BCL11A: variants seen among roughly 807,000 people sequenced by gnomAD.
BCL11A encodes BCL11 transcription factor A.
BCL11A carries 2 observed loss-of-function variants against 55.9 expected under a neutral mutation model. The ratio of observed to expected loss-of-function variants is 0.04; its 90% CI spans 0.01 to 0.11. The LOEUF (loss-of-function observed/expected upper bound fraction) is 0.11, where lower values mean the gene tolerates loss of function less well. BCL11A is among the 10% of genes least tolerant of loss of function. The pLI, the probability that BCL11A is intolerant of heterozygous loss-of-function variation, is 1.00. For missense variants in BCL11A, 817 were observed against 1,137.1 expected, an observed-to-expected ratio of 0.72 and a Z score of 4.05; for synonymous variants, 465 against 473.4, an observed-to-expected ratio of 0.98 and a Z score of 0.23.
Position 60,546,440 on chromosome 2 carries a change from G to T in BCL11A, c.56-140C>A. On this transcript the variant is annotated intron_variant, in intron 1 of 3. Transcript: ENST00000642384. The surrounding 1 kb of genome is among the most constrained non-coding windows in gnomAD (Gnocchi z 4.1). The stretch of plus-strand genomic sequence containing the variant: ...TCTCTATATAATACCCAGAAAATGT[G>T]AGCATACAAAAAGTACAAGGATGTG... The T allele has an allele frequency of 1.4e-6, 1 of 738,398 alleles. No individual in the cohort carries two copies. Among genetic ancestry groups the T allele is most frequent in the Non-Finnish European group, 2.2e-6 (1 of 457,688 alleles). 45.7% of individuals were successfully genotyped at this position (738,398 alleles called of 1,614,324 possible). A position where few individuals can be genotyped will look rare whatever the true frequency, so the allele number is the denominator to read the frequency against.
In BCL11A at chr2:60,553,319, G is replaced by A. The variant is rs746260356; in HGVS notation, c.-49C>T. ...GCGGCGGCGGCGGCGGCGGCGGGCG[G>A]ACGACGGCTCGGTTCACATCGGGAG... On this transcript the variant is annotated 5_prime_UTR_variant, in exon 1 of 4. Coordinates refer to ENST00000642384, the MANE Select transcript of BCL11A (RefSeq NM_022893.4). The A allele has an allele frequency of 1.3e-6, 2 of 1,501,252 alleles. No individual in the cohort carries two copies. Among genetic ancestry groups the A allele is most frequent in the South Asian group, 2.5e-5 (2 of 80,636 alleles). The allele number at this position is 1,501,252 out of a possible 1,614,324, so 93.0% of individuals were successfully genotyped here.
At chr2:60,469,218 G>C (rs913737582) in intron 2 of BCL11A, among the ~76,000 whole-genome samples, 7 of 152,180 alleles carry the variant, frequency 4.6e-5, no homozygotes, top group Non-Finnish European at 1.0e-4. Context: ...CTGCAAGGCT[G>C]GTTTACATGC....
chr2:60,470,273 C>G (rs1572969511), intron 2 of BCL11A, among the ~76,000 whole-genome samples: 1 of 152,128 alleles, frequency 6.6e-6, no homozygotes, highest in African/African-American at 2.4e-5. Flanking sequence ...CAAAGTGAAC[C>G]AACACAAGCA....
At chr2:60,535,022 A>G (rs1669608260) in intron 2 of BCL11A, 2 of 152,226 alleles carry the variant, frequency 1.3e-5, no homozygotes, top group Non-Finnish European at 2.9e-5. Context: ...CAGCAGGCTG[A>G]CAGGCCAGCC....
intron 2 of BCL11A, among the ~76,000 whole-genome samples, chr2:60,477,983 G>A (rs1677721478): frequency 6.8e-6 from 1 of 146,730 alleles, no homozygotes; most frequent in Non-Finnish European, 1.5e-5. Context: ...TTTTAATTGA[G>A]ACATGGTCTC....
intron 1 of BCL11A, among the ~76,000 whole-genome samples, chr2:60,551,503 A>G (rs956469070): frequency 3.9e-5 from 6 of 152,208 alleles, no homozygotes; most frequent in Non-Finnish European, 8.8e-5. Flanking sequence ...GGGGGTGGGC[A>G]GGGAAAGCAC....
At chr2:60,493,034 C>T (rs1678735432) in intron 2 of BCL11A, among the ~76,000 whole-genome samples, 2 of 152,140 alleles carry the variant, frequency 1.3e-5, no homozygotes. Context: ...CCCCCACCTA[C>T]CACCACAGTG....
At chr2:60,482,302 T>C (rs1275206397) in intron 2 of BCL11A, among the ~76,000 whole-genome samples, 2 of 150,614 alleles carry the variant, frequency 1.3e-5, no homozygotes, top group Non-Finnish European at 3.0e-5. Context: ...GGGTGTGCAG[T>C]GGAGGAGGTG....
intron 2 of BCL11A, among the ~76,000 whole-genome samples, chr2:60,503,447 C>CTGCAACAA (rs1467522987): frequency 1.3e-5 from 2 of 152,220 alleles, no homozygotes; most frequent in African/African-American, 4.8e-5. Flanking sequence ...CCTCTGAGCA[C>CTGCAACAA]TGCAACAATT....
intron 2 of BCL11A, among the ~76,000 whole-genome samples, chr2:60,477,404 C>T (rs966748763): frequency 1.4e-4 from 22 of 152,242 alleles, no homozygotes; most frequent in South Asian, 4.1e-4. Flanking sequence ...ATTATCATTT[C>T]GATCGGTCTT....
chr2:60,459,223 T>G lies in BCL11A; in HGVS notation c.*1181A>C, dbSNP rs1676098403. 9.8e-7 allele frequency: 1 copy of G among 1,020,272 alleles called. No homozygotes were observed. The allele number at this position is 1,020,272 out of a possible 1,614,324, so 63.2% of individuals were successfully genotyped here. A position where few individuals can be genotyped will look rare whatever the true frequency, so the allele number is the denominator to read the frequency against. Reference sequence around the variant, plus strand: ...CAAGGTCTTAAAGTTTATCATTTGATTGTCCACTTGACAACCAAGTAGATC... The same window carrying G: ...CAAGGTCTTAAAGTTTATCATTTGAGTGTCCACTTGACAACCAAGTAGATC... On this transcript the variant is annotated 3_prime_UTR_variant, in exon 4 of 4. Coordinates refer to ENST00000642384, the MANE Select transcript of BCL11A (RefSeq NM_022893.4).
At chr2:60,545,819 C>T in intron 2 of BCL11A, 152 bp downstream of exon 2, 1 of 685,540 alleles carries the variant, frequency 1.5e-6, no homozygotes, top group South Asian at 1.8e-5. Flanking sequence ...ACGTAAGCAA[C>T]AGAAATGATT....
At chr2:60,543,947 C>G (rs1670039833) in intron 2 of BCL11A, 1 of 152,152 alleles carries the variant, frequency 6.6e-6, no homozygotes, top group African/African-American at 2.4e-5. Context: ...AAAATAATAA[C>G]AGAACCTTTA....
At chr2:60,552,411 C>T (rs2104795951) in intron 1 of BCL11A, among the ~76,000 whole-genome samples, 1 of 152,270 alleles carries the variant, frequency 6.6e-6, no homozygotes, top group Non-Finnish European at 1.5e-5. Flanking sequence ...CCGGCCCTAG[C>T]TCCTGCCCTT....
intron 2 of BCL11A, among the ~76,000 whole-genome samples, chr2:60,495,296 T>C (rs544653343): frequency 6.6e-6 from 1 of 150,850 alleles, no homozygotes; most frequent in East Asian, 2.0e-4. Context: ...TGCACTAGAC[T>C]AGCTTCAAAG....
intron 2 of BCL11A, among the ~76,000 whole-genome samples, chr2:60,514,869 A>G (rs1223665032): frequency 3.0e-5 from 4 of 133,656 alleles, no homozygotes; most frequent in Non-Finnish European, 4.9e-5. Flanking sequence ...TAAAACAGAA[A>G]AAAGAAAAAA....
At chr2:60,538,534 C>T (rs1323090957) in intron 2 of BCL11A, 1 of 152,192 alleles carries the variant, frequency 6.6e-6, no homozygotes, top group Non-Finnish European at 1.5e-5. Context: ...ACAACTGCTT[C>T]TGACAGCTGT....
downstream of BCL11A, among the ~76,000 whole-genome samples, chr2:60,457,000 A>G (rs1675970050): frequency 6.6e-6 from 1 of 152,208 alleles, no homozygotes; most frequent in African/African-American, 2.4e-5. Flanking sequence ...AAGCCTTAAA[A>G]CTATGTCCAG....
In BCL11A at chr2:60,460,287, A is replaced by AAATCACAT; in HGVS notation, c.*109_*116dup. 6.9e-7 allele frequency: 1 copy of AAATCACAT among 1,456,022 alleles called. No individual in the cohort carries two copies. The highest frequency in any genetic ancestry group is 9.1e-7 in the Non-Finnish European group (1 of 1,100,748). 90.2% of individuals were successfully genotyped at this position (1,456,022 alleles called of 1,614,324 possible). A position where few individuals can be genotyped will look rare whatever the true frequency, so the allele number is the denominator to read the frequency against. Reference sequence around the variant, plus strand: ...CTTCTGTTTGTTTGTTTGTTTGTTTAAATCACATGGGACTAGAAAAAAATC... The same window carrying AAATCACAT: ...CTTCTGTTTGTTTGTTTGTTTGTTTAAATCACATAATCACATGGGACTAGAAAAAAATC... On this transcript the variant is annotated 3_prime_UTR_variant, in exon 4 of 4. Coordinates refer to ENST00000642384, the MANE Select transcript of BCL11A (RefSeq NM_022893.4).
Sources: allele counts gnomAD v4.1 joint callset (sites outside exome capture counted in the v4.1 genomes callset), GRCh38; gene constraint gnomAD v4.1.1; non-coding constraint Gnocchi (gnomAD v3.1); transcripts MANE v1.5; gene names NCBI Gene and HGNC (gene_info 2026-07-23, HGNC 2026-07-21).